PCDHB13: variants seen among roughly 807,000 people sequenced by gnomAD.
The protein encoded by PCDHB13 is protocadherin beta 13.
For synonymous variants in PCDHB13, 515 were observed against 450.7 expected (o/e 1.14, Z -1.81); for missense variants, 1,065 against 1,016.7 (o/e 1.05, Z -0.65).
chr5:141,215,842 C>T lies in PCDHB13; in HGVS notation c.1719C>T (p.Thr573=), dbSNP rs1316930597. The T allele has an allele frequency of 2.5e-6, 4 of 1,609,008 alleles. No individual in the cohort carries two copies. The highest frequency in any genetic ancestry group is 1.1e-5 in the South Asian group (1 of 90,910). ...TGCAGAACGGCTCCGCGCCCTGCAC[C>T]GAGCTGGTGCCCCGGGCGGCCGAGC... The part of the protein sequence containing the change: ...YPLQNGSAPC[T]ELVPRAAEPG... Residue 573 remains threonine, a synonymous_variant, in exon 1 of 1, where the codon ACC becomes ACT. Coordinates refer to ENST00000341948, the MANE Select transcript of PCDHB13 (RefSeq NM_018933.4).
At position 141,215,633 on chromosome 5, in the gene PCDHB13, G is replaced by A; in HGVS notation, c.1510G>A (p.Val504Ile). 1 of 1,613,434 alleles carries A rather than the reference G, an allele frequency of 6.2e-7. No homozygotes were observed. Among genetic ancestry groups the A allele is most frequent in the African/African-American group, 1.3e-5 (1 of 75,030 alleles). Reference sequence around the variant, plus strand: ...CCCGCACCTGCCCCTCACATCCCTGGTCTCCATCAACGCGGACAACGGCCA... The same window carrying A: ...CCCGCACCTGCCCCTCACATCCCTGATCTCCATCAACGCGGACAACGGCCA... ...QDPHLPLTSL[V>I]SINADNGHLF... Residue 504 changes from valine (V) to isoleucine (I), a missense_variant, in exon 1 of 1, where the codon GTC (valine) becomes ATC (isoleucine). By Grantham distance (29) the Val-to-Ile change is conservative (BLOSUM62 3). Coordinates refer to ENST00000341948, the MANE Select transcript of PCDHB13 (RefSeq NM_018933.4).
chr5:141,216,501 T>C lies in PCDHB13; in HGVS notation c.2378T>C (p.Phe793Ser), dbSNP rs1554288216. The change falls in exon 1 of 1, where the codon TTT becomes TCT. Residue 793 changes from phenylalanine (F) to serine (S), a missense_variant. Coordinates refer to ENST00000341948, the MANE Select transcript of PCDHB13 (RefSeq NM_018933.4). ...GGAAATTCTACCTTCCCCAATAACT[T>C]TGGGTTCAATATTCAGTGACCATAG... ...IQGNSTFPNN[F>S]GFNIQ 2 of 1,613,660 alleles carry C rather than the reference T, an allele frequency of 1.2e-6. No individual in the cohort carries two copies. The highest frequency in any genetic ancestry group is 1.3e-5 in the African/African-American group (1 of 75,028).
In PCDHB13 at chr5:141,214,948, C is replaced by T. The variant is rs148254417; in HGVS notation, c.825C>T (p.Asn275=). The change falls in exon 1 of 1, where the codon AAC becomes AAT. Residue 275 remains asparagine, a synonymous_variant. Transcript: ENST00000341948. ...CCACGGATGTAGACACAGGAGTCAA[C>T]GGAGAGATTTCCTATTCACTTTTCC... The part of the protein sequence containing the change: ...VSATDVDTGV[N]GEISYSLFQA... 1.9e-3 allele frequency: 3,139 copies of T among 1,614,132 alleles called. 17 individuals are homozygous for T. Among genetic ancestry groups the T allele is most frequent in the Non-Finnish European group, 1.2e-3 (1,419 of 1,180,028 alleles).
Position 141,215,973 on chromosome 5 carries a change from T to C in PCDHB13, c.1850T>C (p.Val617Ala), listed in dbSNP as rs782616081. The C allele has an allele frequency of 1.4e-5, 22 of 1,607,342 alleles. No homozygotes were observed. Among genetic ancestry groups the C allele is most frequent in the South Asian group, 7.7e-5 (7 of 90,924 alleles). ...LKATELGLFG[V>A]WAHNGEVRTA... is the part of the protein sequence containing the mutation. The stretch of plus-strand genomic sequence containing the variant: ...GCCACGGAGCTCGGTCTGTTCGGCG[T>C]GTGGGCGCACAATGGCGAGGTGCGC... Residue 617 changes from valine (V) to alanine (A), a missense_variant, in exon 1 of 1, where the codon GTG (valine) becomes GCG (alanine). Val to Ala is a moderately conservative substitution (Grantham distance 64). Coordinates refer to ENST00000341948, the MANE Select transcript of PCDHB13 (RefSeq NM_018933.4).
rs1754645094 is a variant in PCDHB13 at position 141,217,584 on chromosome 5, T to C, written c.*1064T>C. 1 of 166,990 alleles carries C rather than the reference T, an allele frequency of 6.0e-6. No homozygotes were observed. The highest frequency in any genetic ancestry group is 1.5e-5 in the Non-Finnish European group (1 of 68,118). The allele number at this position is 166,990 out of a possible 1,614,324, so 10.3% of individuals were successfully genotyped here. ...CAGACATATAAAAGCATACCAGATG[T>C]TGAACATTGATAGTATCAAAAGATA... On this transcript the variant is annotated 3_prime_UTR_variant, in exon 1 of 1. Coordinates refer to ENST00000341948, the MANE Select transcript of PCDHB13 (RefSeq NM_018933.4).
In PCDHB13 at chr5:141,215,478, C is replaced by A; in HGVS notation, c.1355C>A (p.Thr452Asn). Reference sequence around the variant, plus strand: ...GTCAATGACAACGCTCCCGCCTTCACCCAAACCTCCTACACCCTGTTCGTC... The same window carrying A: ...GTCAATGACAACGCTCCCGCCTTCAACCAAACCTCCTACACCCTGTTCGTC... ...ADVNDNAPAF[T>N]QTSYTLFVRE... is the part of the protein sequence containing the mutation. Residue 452 changes from threonine to asparagine, a missense_variant, in exon 1 of 1, where the codon ACC becomes AAC. Thr to Asn is a moderately conservative substitution (Grantham distance 65). Transcript: ENST00000341948. 4 of 1,614,208 alleles carry A rather than the reference C, an allele frequency of 2.5e-6. No homozygotes were observed. The highest frequency in any genetic ancestry group is 1.1e-5 in the South Asian group (1 of 91,076).
Position 141,215,231 on chromosome 5 carries a change from A to G in PCDHB13, c.1108A>G (p.Ser370Gly). The change falls in exon 1 of 1, where the codon AGT (serine) becomes GGT (glycine). Residue 370 changes from serine (S) to glycine (G), a missense_variant. Transcript: ENST00000341948. ...NAPETVVALF[S>G]VSDLDSGENG... ...GCCTGAAACTGTGGTTGCACTTTTC[A>G]GTGTTTCAGATCTTGATTCAGGAGA... The G allele has an allele frequency of 6.2e-7, 1 of 1,614,168 alleles. No homozygotes were observed. The highest frequency in any genetic ancestry group is 8.5e-7 in the Non-Finnish European group (1 of 1,180,036).
rs140970506 is a variant in PCDHB13 at position 141,216,154 on chromosome 5, C to G, written c.2031C>G (p.Ala677=). 1,238 of 1,611,828 alleles carry G rather than the reference C, an allele frequency of 7.7e-4. 9 individuals are homozygous for G. The Middle Eastern group carries it at 0.016, about 20-fold the overall frequency. Residue 677 remains alanine (A), a synonymous_variant, in exon 1 of 1, where the codon GCC becomes GCG. Coordinates refer to ENST00000341948, the MANE Select transcript of PCDHB13 (RefSeq NM_018933.4). ...CCTACCTGCCTCTCCCGGAGGCGGC[C>G]CCGACCCAGGCCCAGGCCGACTTGC... ...SQPYLPLPEA[A]PTQAQADLLT...
rs1754537621 is a variant in PCDHB13, at chr5:141,214,599, A to G, written c.476A>G (p.Glu159Gly). The change falls in exon 1 of 1, where the codon GAA (glutamate) becomes GGA (glycine). Residue 159 changes from glutamate (E) to glycine (G), a missense_variant. Coordinates refer to ENST00000341948, the MANE Select transcript of PCDHB13 (RefSeq NM_018933.4). ...PGTTFPLKNA[E>G]DLDVGQNNIE... ...ACTACGTTTCCTCTGAAGAATGCCGAAGACTTAGATGTAGGCCAAAACAAT... is the reference window on the plus strand; with the variant it reads ...ACTACGTTTCCTCTGAAGAATGCCGGAGACTTAGATGTAGGCCAAAACAAT... 1.2e-6 allele frequency: 2 copies of G among 1,614,206 alleles called. No homozygotes were observed. Among genetic ancestry groups the G allele is most frequent in the African/African-American group, 1.3e-5 (1 of 75,056 alleles).
At position 141,214,645 on chromosome 5, in the gene PCDHB13, C is replaced by A. The variant is rs1554287676; in HGVS notation, c.522C>A (p.Ser174Arg). 2 of 1,614,170 alleles carry A rather than the reference C, an allele frequency of 1.2e-6. No individual in the cohort carries two copies. Among genetic ancestry groups the A allele is most frequent in the South Asian group, 2.2e-5 (2 of 91,080 alleles). The change falls in exon 1 of 1, where the codon AGC becomes AGA. Residue 174 changes from serine to arginine, a missense_variant. Physicochemically the swap from Ser to Arg is moderately radical, Grantham distance 110. Coordinates refer to ENST00000341948, the MANE Select transcript of PCDHB13 (RefSeq NM_018933.4). ...ACAATATTGAGAACTATATAATCAG[C>A]CCCAACTCCTATTTTCGGGTCCTCA... ...GQNNIENYII[S>R]PNSYFRVLTR...
Position 141,214,928 on chromosome 5 carries a change from G to A in PCDHB13, c.805G>A (p.Asp269Asn). 2 of 1,614,196 alleles carry A rather than the reference G, an allele frequency of 1.2e-6. No individual in the cohort carries two copies. The highest frequency in any genetic ancestry group is 1.7e-6 in the Non-Finnish European group (2 of 1,180,034). Residue 269 changes from aspartate to asparagine, a missense_variant, in exon 1 of 1, where the codon GAT (aspartate) becomes AAT (asparagine). Transcript: ENST00000341948. ...GFLVVKVSAT[D>N]VDTGVNGEIS... ...CCTGGTTGTGAAGGTCTCTGCCACG[G>A]ATGTAGACACAGGAGTCAACGGAGA...
rs782461778 is a variant in PCDHB13 at position 141,216,101 on chromosome 5, G to C, written c.1978G>C (p.Val660Leu). 2 of 1,608,226 alleles carry C rather than the reference G, an allele frequency of 1.2e-6. No homozygotes were observed. Among genetic ancestry groups the C allele is most frequent in the Non-Finnish European group, 8.5e-7 (1 of 1,179,696 alleles). The stretch of plus-strand genomic sequence containing the variant: ...GCGCTCGGCCACCGCCACGCTGCAC[G>C]TGCTCCTGGTGGACGGCTTCTCCCA... The part of the protein sequence containing the change: ...PPRSATATLH[V>L]LLVDGFSQPY... The change falls in exon 1 of 1, where the codon GTG becomes CTG. Residue 660 changes from valine to leucine, a missense_variant. Coordinates refer to ENST00000341948, the MANE Select transcript of PCDHB13 (RefSeq NM_018933.4).
rs1554288007 is a variant in PCDHB13 at position 141,215,753 on chromosome 5, G to T, written c.1630G>T (p.Glu544Ter). Residue 544 changes from glutamate (E) to a stop codon, truncating the protein, a stop_gained, in exon 1 of 1, where the codon GAG becomes TAG. Coordinates refer to ENST00000341948, the MANE Select transcript of PCDHB13 (RefSeq NM_018933.4). LOFTEE classifies it low-confidence loss of function (END_TRUNC). ...SDHGSPALSS[E>*]ALVRVVVLDA... ...CCACGGCTCCCCGGCGCTGAGCAGCGAGGCGCTGGTGCGCGTGGTGGTGCT... is the reference window on the plus strand; with the variant it reads ...CCACGGCTCCCCGGCGCTGAGCAGCTAGGCGCTGGTGCGCGTGGTGGTGCT... 2 of 1,612,046 alleles carry T rather than the reference G, an allele frequency of 1.2e-6. No homozygotes were observed. The highest frequency in any genetic ancestry group is 8.5e-7 in the Non-Finnish European group (1 of 1,179,784).
At position 141,215,304 on chromosome 5, in the gene PCDHB13, T is replaced by C. The variant is rs1554287862; in HGVS notation, c.1181T>C (p.Leu394Pro). 8 of 1,614,036 alleles carry C rather than the reference T, an allele frequency of 5.0e-6. No homozygotes were observed. In the South Asian group the frequency reaches 7.7e-5, roughly 16 times the overall value. ...CSIQEDLPFL[L>P]KSAENFYTLL... ...ATTCAGGAGGATCTACCCTTCCTCC[T>C]GAAATCCGCGGAAAACTTTTACACC... Residue 394 changes from leucine (L) to proline (P), a missense_variant, in exon 1 of 1, where the codon CTG becomes CCG. Transcript: ENST00000341948.
Position 141,215,597 on chromosome 5 carries a change from C to T in PCDHB13, c.1474C>T (p.Pro492Ser), listed in dbSNP as rs782153485. 2 of 1,612,188 alleles carry T rather than the reference C, an allele frequency of 1.2e-6. No individual in the cohort carries two copies. Among genetic ancestry groups the T allele is most frequent in the East Asian group, 4.5e-5 (2 of 44,876 alleles). ...CGCCCAGGTCACCTACTCGCTGCTGCCGCCCCAGGACCCGCACCTGCCCCT... is the reference window on the plus strand; with the variant it reads ...CGCCCAGGTCACCTACTCGCTGCTGTCGCCCCAGGACCCGCACCTGCCCCT... ...TNAQVTYSLL[P>S]PQDPHLPLTS... The change falls in exon 1 of 1, where the codon CCG becomes TCG. Residue 492 changes from proline (P) to serine (S), a missense_variant. Physicochemically the swap from Pro to Ser is moderately conservative, Grantham distance 74. Transcript: ENST00000341948.
At position 141,215,095 on chromosome 5, in the gene PCDHB13, T is replaced by TG; in HGVS notation, c.973dup (p.Ala325GlyfsTer35). ...ATGAAGTCAATATTGAGGCAAGAGA[T>TG]GCTGGAACCTTTTCTGGAAAATGCA... On this transcript the variant is annotated frameshift_variant, in exon 1 of 1. Transcript: ENST00000341948. LOFTEE classifies it low-confidence loss of function (END_TRUNC). The TG allele has an allele frequency of 6.2e-7, 1 of 1,614,164 alleles. No homozygotes were observed. The highest frequency in any genetic ancestry group is 8.5e-7 in the Non-Finnish European group (1 of 1,180,030).
In PCDHB13 at chr5:141,215,500, C is replaced by T. The variant is rs782489639; in HGVS notation, c.1377C>T (p.Phe459=). 1 of 1,614,068 alleles carries T rather than the reference C, an allele frequency of 6.2e-7. No individual in the cohort carries two copies. The highest frequency in any genetic ancestry group is 2.2e-5 in the East Asian group (1 of 44,866). Reference sequence around the variant, plus strand: ...TCACCCAAACCTCCTACACCCTGTTCGTCCGCGAGAACAACAGCCCCGCCC... The same window carrying T: ...TCACCCAAACCTCCTACACCCTGTTTGTCCGCGAGAACAACAGCCCCGCCC... The part of the protein sequence containing the change: ...PAFTQTSYTL[F]VRENNSPALH... Residue 459 remains phenylalanine (F), a synonymous_variant, in exon 1 of 1, where the codon TTC becomes TTT. Coordinates refer to ENST00000341948, the MANE Select transcript of PCDHB13 (RefSeq NM_018933.4).
chr5:141,216,594 T>C lies in PCDHB13; in HGVS notation c.*74T>C, dbSNP rs1754622717. On this transcript the variant is annotated 3_prime_UTR_variant, in exon 1 of 1. Coordinates refer to ENST00000341948, the MANE Select transcript of PCDHB13 (RefSeq NM_018933.4). Reference sequence around the variant, plus strand: ...CATGCCAATGTTTATTTCCCCCAATTTGTGTGTATGTAATATTGTACGGAT... The same window carrying C: ...CATGCCAATGTTTATTTCCCCCAATCTGTGTGTATGTAATATTGTACGGAT... 1 of 1,212,554 alleles carries C rather than the reference T, an allele frequency of 8.2e-7. No homozygotes were observed. Among genetic ancestry groups the C allele is most frequent in the Non-Finnish European group, 1.2e-6 (1 of 812,928 alleles). 75.1% of individuals were successfully genotyped at this position (1,212,554 alleles called of 1,614,324 possible). A position where few individuals can be genotyped will look rare whatever the true frequency, so the allele number is the denominator to read the frequency against.
rs1554288091 is a variant in PCDHB13 at position 141,216,051 on chromosome 5, T to C, written c.1928T>C (p.Leu643Pro). ...GCGGCCAAGCACAGGCTGGTGGTGC[T>C]GGTCAAGGACAATGGCGAGCCTCCG... Reference protein sequence around the residue: ...RDAAKHRLVVLVKDNGEPPRS... With the variant: ...RDAAKHRLVVPVKDNGEPPRS... The change falls in exon 1 of 1, where the codon CTG (leucine) becomes CCG (proline). Residue 643 changes from leucine (L) to proline (P), a missense_variant. By Grantham distance (98) the Leu-to-Pro change is moderately conservative. Transcript: ENST00000341948. 6.2e-7 allele frequency: 1 copy of C among 1,606,582 alleles called. No homozygotes were observed. Among genetic ancestry groups the C allele is most frequent in the Admixed American group, 1.7e-5 (1 of 59,964 alleles).
Sources: gnomAD v4.1 joint callset for allele counts on GRCh38, gnomAD v4.1.1 for gene constraint, MANE v1.5 for transcripts, NCBI Gene and HGNC (gene_info 2026-07-23, HGNC 2026-07-21) for gene names.